Variants in C12orf42 observed in about 807,000 individuals in gnomAD.
C12orf42 encodes the protein uncharacterized protein C12orf42.
A neutral mutation model predicts 21.6 loss-of-function variants in C12orf42; 25 were observed. The observed-to-expected ratio is 1.16, with a 90% CI of 0.84 to 1.62. The LOEUF (loss-of-function observed/expected upper bound fraction) is 1.62, where lower values mean the gene tolerates loss of function less well. Ranked by LOEUF, C12orf42 falls within the 40% of genes most tolerant of loss-of-function variation. The pLI is 0.00. For synonymous variants in C12orf42, 174 were observed against 175.0 expected, an observed-to-expected ratio of 0.99 and a Z score of 0.05; for missense variants, 483 against 459.3, an observed-to-expected ratio of 1.05 and a Z score of -0.47.
the C12orf42 span, among the ~76,000 whole-genome samples, chr12:103,150,064 T>A: frequency 1.3e-5 from 2 of 152,194 alleles, no homozygotes; most frequent in Non-Finnish European, 2.9e-5. Flanking sequence ...AGGAAATTTA[T>A]ATAAGTATAT....
chr12:103,113,405 C>T, the C12orf42 span, among the ~76,000 whole-genome samples: 1 of 152,196 alleles, frequency 6.6e-6, no homozygotes, highest in East Asian at 1.9e-4. Flanking sequence ...GCTTCCTCAG[C>T]ATCTCTCAAC....
At chr12:103,396,621 T>G (rs1397637587) in intron 3 of C12orf42, 1 of 152,240 alleles carries the variant, frequency 6.6e-6, no homozygotes, top group African/African-American at 2.4e-5. Flanking sequence ...TTTTAGATCC[T>G]TGGTCATTAG....
chr12:103,317,300 T>G (rs761025529), intron 4 of C12orf42, among the ~76,000 whole-genome samples: 4 of 152,096 alleles, frequency 2.6e-5, no homozygotes, highest in Non-Finnish European at 5.9e-5. Context: ...ACCCCCTCTC[T>G]CCTAGTAAAG....
intron 2 of C12orf42, among the ~76,000 whole-genome samples, chr12:103,456,588 CA>C (rs1952311169): frequency 6.6e-6 from 1 of 152,130 alleles, no homozygotes; most frequent in South Asian, 2.1e-4. Context: ...ATTATGAAAA[CA>C]GCACATAGCA....
chr12:103,084,875 C>T, the C12orf42 span, among the ~76,000 whole-genome samples: 3 of 152,008 alleles, frequency 2.0e-5, no homozygotes, highest in African/African-American at 7.2e-5. Flanking sequence ...ATATGTGGTG[C>T]CCTGGGAAGG....
At chr12:103,305,869 T>C (rs916222287) in intron 5 of C12orf42, 105 bp downstream of exon 5, 39 of 1,346,018 alleles carry the variant, frequency 2.9e-5, no homozygotes, top group Non-Finnish European at 3.8e-5. Context: ...CCTTCTAGAA[T>C]AGGACTGGCC....
the C12orf42 span, among the ~76,000 whole-genome samples, chr12:103,502,279 C>G: frequency 8.1e-4 from 124 of 152,312 alleles, no homozygotes; most frequent in African/African-American, 2.8e-3. Context: ...TCTTCACCAT[C>G]AGCTTTCAAC....
At chr12:103,517,449 G>C in the C12orf42 span, among the ~76,000 whole-genome samples, 1 of 152,346 alleles carries the variant, frequency 6.6e-6, no homozygotes, top group East Asian at 1.9e-4. Flanking sequence ...AAAGGCCTTT[G>C]AAATGCCTTT....
At position 103,291,813 on chromosome 12, in the gene C12orf42, T is replaced by C. The variant is rs145090694; in HGVS notation, n.338-14603A>G. Among the ~76,000 whole-genome samples, 258 of 152,290 alleles carry C rather than the reference T, an allele frequency of 1.7e-3. 1 individual carries two copies. The highest frequency in any genetic ancestry group is 5.9e-3 in the African/African-American group (247 of 41,574). ...TTACCATCTTGGTTTTAGCTGGTTT[T>C]GGCCTATTTCTTTACTGCATCCTGC... is the stretch of plus-strand genomic sequence containing the variant. On this transcript the variant is annotated intron_variant and non_coding_transcript_variant, in intron 4 of 6. Coordinates refer to the C12orf42 transcript ENST00000546526.
At chr12:103,316,323 A>T (rs895461289) in intron 4 of C12orf42, among the ~76,000 whole-genome samples, 9 of 152,024 alleles carry the variant, frequency 5.9e-5, no homozygotes, top group Admixed American at 2.0e-4. Flanking sequence ...AACAGAAAAC[A>T]CCAACCCAGA....
the C12orf42 span, among the ~76,000 whole-genome samples, chr12:103,553,885 A>G: frequency 6.6e-6 from 1 of 152,224 alleles, no homozygotes; most frequent in Non-Finnish European, 1.5e-5. Flanking sequence ...CAGTCCAGGT[A>G]TCCCAACACC....
intron 4 of C12orf42, among the ~76,000 whole-genome samples, chr12:103,334,859 C>T (rs1278715738): frequency 6.6e-6 from 1 of 152,184 alleles, no homozygotes; most frequent in Non-Finnish European, 1.5e-5. Context: ...CATTGCCAAG[C>T]GTTAGCAATA....
the C12orf42 span, among the ~76,000 whole-genome samples, chr12:103,049,903 A>G: frequency 2.0e-5 from 3 of 151,678 alleles, no homozygotes; most frequent in Non-Finnish European, 4.4e-5. Flanking sequence ...CCCACCCTCT[A>G]CCCCAGTATC....
chr12:103,305,838 G>T lies in C12orf42; in HGVS notation c.631+136C>A. ...ACAAGCAGACTTTCATTGAAGACTG[G>T]CTACTACAGTTCTTACAGTACCTTC... On this transcript the variant is annotated intron_variant, in intron 5 of 5. Transcript: ENST00000548883. The T allele has an allele frequency of 2.8e-6, 3 of 1,079,008 alleles. No homozygotes were observed. The South Asian group carries it at 5.2e-5, about 19-fold the overall frequency. 66.8% of individuals were successfully genotyped at this position (1,079,008 alleles called of 1,614,324 possible).
chr12:103,298,585 C>G (rs1355311130), downstream of C12orf42, among the ~76,000 whole-genome samples: 1 of 152,178 alleles, frequency 6.6e-6, no homozygotes, highest in Non-Finnish European at 1.5e-5. Context: ...TGACTTTCTT[C>G]ACAGAATTGG....
chr12:103,209,165 A>C, the C12orf42 span, among the ~76,000 whole-genome samples: 1 of 152,230 alleles, frequency 6.6e-6, no homozygotes, highest in Non-Finnish European at 1.5e-5. Context: ...AGAAAAAAAA[A>C]GAAAATTTTT....
At chr12:103,256,105 TATATATACACACACACACACACAC>T (rs2034581902) in intron 10 of C12orf42, among the ~76,000 whole-genome samples, 1 of 37,846 alleles carries the variant, frequency 2.6e-5, no homozygotes, top group East Asian at 1.1e-3. Flanking sequence ...TATATATATA[TATATATACACACACACACACACAC>T]ACACACACAC....
At chr12:103,286,342 G>C (rs755668017) in intron 4 of C12orf42, among the ~76,000 whole-genome samples, 94 of 151,324 alleles carry the variant, frequency 6.2e-4, no homozygotes, top group Non-Finnish European at 1.2e-3. Context: ...ACATGAAGAG[G>C]TAGCATAGAG....
intron 2 of C12orf42, among the ~76,000 whole-genome samples, chr12:103,408,367 G>A (rs1238101040): frequency 6.6e-6 from 1 of 152,194 alleles, no homozygotes; most frequent in East Asian, 1.9e-4. Context: ...ATCTGGGAAA[G>A]CTTAGAAACA....
Sources: allele counts gnomAD v4.1 joint callset (sites outside exome capture counted in the v4.1 genomes callset), GRCh38; gene constraint gnomAD v4.1.1; transcripts MANE v1.5; gene names NCBI Gene and HGNC (gene_info 2026-07-23, HGNC 2026-07-21).